Variants in ARB2A observed in about 807,000 individuals in gnomAD.
ARB2A encodes cotranscriptional regulator ARB2A.
the ARB2A span, among the ~76,000 whole-genome samples, chr5:93,832,060 T>A: frequency 6.6e-6 from 1 of 152,224 alleles, no homozygotes; most frequent in East Asian, 1.9e-4. Context: ...ACACTTGATA[T>A]CCATTGACTA....
the ARB2A span, among the ~76,000 whole-genome samples, chr5:94,090,652 G>T: frequency 9.9e-5 from 15 of 152,178 alleles, no homozygotes; most frequent in African/African-American, 3.4e-4. Context: ...TATGATATTG[G>T]CTGTGGGTCT....
the ARB2A span, among the ~76,000 whole-genome samples, chr5:93,793,601 A>C: frequency 7.0e-3 from 1,058 of 152,192 alleles, 15 homozygotes; most frequent in African/African-American, 0.024. Flanking sequence ...TGGACTGATG[A>C]AAGTGCTATT....
chr5:93,919,034 TCA>T, the ARB2A span, among the ~76,000 whole-genome samples: 2 of 152,142 alleles, frequency 1.3e-5, no homozygotes, highest in African/African-American at 4.8e-5. Context: ...AAATTTAATC[TCA>T]GTGTTTGGTG....
chr5:93,897,823 G>C, the ARB2A span, among the ~76,000 whole-genome samples: 2 of 150,972 alleles, frequency 1.3e-5, no homozygotes, highest in African/African-American at 4.9e-5. Flanking sequence ...CTTAATTATA[G>C]GGTCAAAAAA....
chr5:93,724,284 G>A, the ARB2A span, among the ~76,000 whole-genome samples: 1 of 151,814 alleles, frequency 6.6e-6, no homozygotes, highest in Non-Finnish European at 1.5e-5. Flanking sequence ...TTTTACAAAA[G>A]GGAATCTTTA....
the ARB2A span, among the ~76,000 whole-genome samples, chr5:94,052,564 G>A: frequency 2.0e-5 from 3 of 152,144 alleles, no homozygotes; most frequent in African/African-American, 4.8e-5. Flanking sequence ...TCAAGTGTAA[G>A]GGTGTATTAC....
At chr5:94,086,330 G>A in the ARB2A span, among the ~76,000 whole-genome samples, 1 of 152,086 alleles carries the variant, frequency 6.6e-6, no homozygotes. Flanking sequence ...TGCATATTAA[G>A]ACAGTGGCCC....
chr5:94,010,059 A>AC, the ARB2A span, among the ~76,000 whole-genome samples: 1 of 151,592 alleles, frequency 6.6e-6, no homozygotes, highest in Non-Finnish European at 1.5e-5. Flanking sequence ...TTCTGCTGTT[A>AC]CCTTCATCAT....
chr5:93,728,011 T>A, the ARB2A span, among the ~76,000 whole-genome samples: 1 of 152,098 alleles, frequency 6.6e-6, no homozygotes, highest in Non-Finnish European at 1.5e-5. Flanking sequence ...AGGATCAATA[T>A]ATACATTAAG....
chr5:93,713,056 C>A, the ARB2A span, among the ~76,000 whole-genome samples: 4 of 152,146 alleles, frequency 2.6e-5, no homozygotes, highest in South Asian at 8.3e-4. Flanking sequence ...AAAATCAAAT[C>A]AAAATGGATT....
chr5:94,099,624 C>CAAAA, the ARB2A span, among the ~76,000 whole-genome samples: 1 of 13,648 alleles, frequency 7.3e-5, no homozygotes, highest in African/African-American at 1.9e-4. Context: ...GACTCCGTCT[C>CAAAA]AAAAAAAAAA....
At chr5:93,676,460 C>T in the ARB2A span, among the ~76,000 whole-genome samples, 30 of 152,110 alleles carry the variant, frequency 2.0e-4, no homozygotes, top group African/African-American at 6.5e-4. Flanking sequence ...GTCCACTGAA[C>T]GTATGAATGA....
At chr5:93,969,971 C>T in the ARB2A span, among the ~76,000 whole-genome samples, 2 of 152,006 alleles carry the variant, frequency 1.3e-5, no homozygotes, top group African/African-American at 4.8e-5. Flanking sequence ...ATATATATTA[C>T]TGCATAGGTA....
At chr5:93,719,848 T>A in the ARB2A span, among the ~76,000 whole-genome samples, 8 of 152,166 alleles carry the variant, frequency 5.3e-5, no homozygotes, top group African/African-American at 1.9e-4. Flanking sequence ...AGATAGAAAA[T>A]CCTTTGGTTT....
At chr5:93,851,470 T>C in the ARB2A span, among the ~76,000 whole-genome samples, 1 of 152,212 alleles carries the variant, frequency 6.6e-6, no homozygotes, top group African/African-American at 2.4e-5. Flanking sequence ...ATTATTATTA[T>C]ACTTTAAGTT....
the ARB2A span, among the ~76,000 whole-genome samples, chr5:93,892,600 C>T: frequency 6.6e-6 from 1 of 151,948 alleles, no homozygotes; most frequent in African/African-American, 2.4e-5. Flanking sequence ...GGGGGAAAAC[C>T]ACACACCACT....
the ARB2A span, chr5:93,737,822 A>T: frequency 9.6e-5 from 39 of 407,182 alleles, no homozygotes; most frequent in East Asian, 2.6e-3. Flanking sequence ...CTCATACCGT[A>T]TACAAAAATT....
At chr5:94,001,146 T>G in the ARB2A span, among the ~76,000 whole-genome samples, 14 of 152,096 alleles carry the variant, frequency 9.2e-5, no homozygotes, top group African/African-American at 3.4e-4. Flanking sequence ...TGCCTCCTCA[T>G]ATACACTTTA....
chr5:93,761,814 G>A, the ARB2A span, among the ~76,000 whole-genome samples: 1 of 152,206 alleles, frequency 6.6e-6, no homozygotes. Flanking sequence ...CCGAGTAGGG[G>A]CAGACTGACA....
Sources: allele counts gnomAD v4.1 joint callset (sites outside exome capture counted in the v4.1 genomes callset), GRCh38; gene constraint gnomAD v4.1.1; transcripts MANE v1.5; gene names NCBI Gene and HGNC (gene_info 2026-07-23, HGNC 2026-07-21).